The following PTPRS variants were observed in gnomAD, a reference collection of about 807,000 sequenced individuals.
PTPRS encodes receptor-type tyrosine-protein phosphatase S.
A neutral mutation model predicts 215.3 loss-of-function variants in PTPRS; 63 were observed. That is an observed-to-expected ratio of 0.29 (90% CI 0.24 to 0.36). The LOEUF (loss-of-function observed/expected upper bound fraction) is 0.36. Among genes scored for constraint, PTPRS ranks in the 10% least tolerant of loss-of-function variants. The probability of loss-of-function intolerance (pLI) is 1.00; values close to 1 mark genes in which losing one functional copy is unlikely to be tolerated. For missense variants in PTPRS, 2,258 were observed against 2,825.8 expected (o/e 0.80, Z 4.56); for synonymous variants, 1,404 against 1,191.4 (o/e 1.18, Z -3.68).
rs767047494 is a variant in PTPRS, at chr19:5,323,329, G to A, written c.-95+17335C>T. On this transcript the variant is annotated intron_variant, in intron 1 of 37. Coordinates refer to ENST00000262963, the MANE Select transcript of PTPRS (RefSeq NM_002850.4). ...ACCAAGATCACACCACTGCACTCCC[G>A]CCTGGGTGACAGAGTGAAACTCCGT... 1.1e-4 allele frequency among the ~76,000 whole-genome samples: 16 copies of A among 152,152 alleles called. No homozygotes were observed. In the South Asian group the frequency reaches 2.1e-3, roughly 20 times the overall value.
Position 5,257,272 on chromosome 19 carries a change from GC to G in PTPRS, c.706+744del, listed in dbSNP as rs1443129910. On this transcript the variant is annotated intron_variant, in intron 8 of 37. Coordinates refer to ENST00000262963, the MANE Select transcript of PTPRS (RefSeq NM_002850.4). This position sits in a 1 kb window ranked among gnomAD's most constrained non-coding sequence, Gnocchi z 4.4. ...GGGAGCGGGGAGGTGCTGGGGCGAG[GC>G]CCCCACGCTGCTGGGCATGACTGAG... 2.6e-5 allele frequency among the ~76,000 whole-genome samples: 4 copies of G among 151,172 alleles called. No homozygotes were observed. The highest frequency in any genetic ancestry group is 4.4e-5 in the Non-Finnish European group (3 of 67,726).
chr19:5,226,716 TC>T (rs571263004), intron 16 of PTPRS, among the ~76,000 whole-genome samples: 10 of 151,700 alleles, frequency 6.6e-5, no homozygotes, highest in Non-Finnish European at 1.3e-4. Flanking sequence ...GGCACTGTAC[TC>T]CAGCCTGGGT....
chr19:5,295,303 C>T lies in PTPRS; in HGVS notation c.-94-9069G>A, dbSNP rs929022495. ...GCTCTGGGCTGCCCAGGACTCGGGA[C>T]GGCAGACAAGGGCTTGCCAGCCGCT... On this transcript the variant is annotated intron_variant, in intron 1 of 37. Coordinates refer to ENST00000262963, the MANE Select transcript of PTPRS (RefSeq NM_002850.4). This position sits in a 1 kb window ranked among gnomAD's most constrained non-coding sequence, Gnocchi z 4.6. Among the ~76,000 whole-genome samples the T allele has an allele frequency of 8.5e-5, 13 of 152,206 alleles. No individual in the cohort carries two copies. The highest frequency in any genetic ancestry group is 3.9e-4 in the Admixed American group (6 of 15,284).
At chr19:5,323,097 C>A (rs966585115) in intron 1 of PTPRS, among the ~76,000 whole-genome samples, 3 of 152,078 alleles carry the variant, frequency 2.0e-5, no homozygotes, top group African/African-American at 7.2e-5. Context: ...TGGCTCACGC[C>A]TCTAATCCTG....
chr19:5,318,186 T>A (rs1400705072), intron 1 of PTPRS, among the ~76,000 whole-genome samples: 55 of 134,366 alleles, frequency 4.1e-4, no homozygotes, highest in African/African-American at 1.0e-3. Context: ...AAAAAAAAAA[T>A]GAAAATTAGC....
intron 1 of PTPRS, among the ~76,000 whole-genome samples, chr19:5,289,461 C>T (rs1053156056): frequency 6.6e-6 from 1 of 152,180 alleles, no homozygotes; most frequent in African/African-American, 2.4e-5. Context: ...AGTCAGGGCT[C>T]GTCCTTCCTC....
At chr19:5,271,448 A>G (rs888062269) in intron 4 of PTPRS, among the ~76,000 whole-genome samples, 8 of 139,718 alleles carry the variant, frequency 5.7e-5, no homozygotes, top group African/African-American at 2.7e-5. Flanking sequence ...CCCAGACTGG[A>G]GTGCGATGGC....
intron 14 of PTPRS, among the ~76,000 whole-genome samples, chr19:5,230,814 G>C (rs778398655): frequency 6.6e-5 from 10 of 152,126 alleles, no homozygotes; most frequent in Non-Finnish European, 1.3e-4. Flanking sequence ...CCATGATCTA[G>C]GCTTCGACCA....
At chr19:5,331,127 T>TA (rs1568622692) in intron 1 of PTPRS, among the ~76,000 whole-genome samples, 16 of 80,700 alleles carry the variant, frequency 2.0e-4, no homozygotes, top group African/African-American at 4.7e-4. Flanking sequence ...GCTTCTTTTT[T>TA]TAAAAAAAAA....
rs902861809 is a variant in PTPRS at position 5,244,611 on chromosome 19, T to C, written c.989-129A>G. The C allele has an allele frequency of 1.4e-6, 1 of 712,206 alleles. No homozygotes were observed. Among genetic ancestry groups the C allele is most frequent in the Non-Finnish European group, 2.3e-6 (1 of 432,504 alleles). The allele number at this position is 712,206 out of a possible 1,614,324, so 44.1% of individuals were successfully genotyped here. A position where few individuals can be genotyped will look rare whatever the true frequency, so the allele number is the denominator to read the frequency against. On this transcript the variant is annotated intron_variant, in intron 10 of 37. Coordinates refer to ENST00000262963, the MANE Select transcript of PTPRS (RefSeq NM_002850.4). The surrounding 1 kb of genome is among the most constrained non-coding windows in gnomAD (Gnocchi z 7.2). ...TGCCCAGCAGTAATCATGGGCCTCA[T>C]GACTCCTGTCATCGTCTACAGCAAG...
intron 1 of PTPRS, among the ~76,000 whole-genome samples, chr19:5,330,618 T>C (rs2050293167): frequency 6.6e-6 from 1 of 152,156 alleles, no homozygotes; most frequent in South Asian, 2.1e-4. Context: ...ACCACTGAAT[T>C]CCCAGTGATG....
At chr19:5,325,277 T>A (rs912780849) in intron 1 of PTPRS, among the ~76,000 whole-genome samples, 1 of 152,244 alleles carries the variant, frequency 6.6e-6, no homozygotes, top group African/African-American at 2.4e-5. Flanking sequence ...TGGGTCAGCA[T>A]TGAATCATAT....
At position 5,206,606 on chromosome 19, in the gene PTPRS, T is replaced by C. The variant is rs888263096; in HGVS notation, c.*168A>G. On this transcript the variant is annotated 3_prime_UTR_variant, in exon 38 of 38. Transcript: ENST00000262963. ...AGGTCGCTGGGGCGGCCGGGGCCGG[T>C]GGGGGGGCTCGAGGGGCTGCGTCGT... is the stretch of plus-strand genomic sequence containing the variant. 47 of 508,134 alleles carry C rather than the reference T, an allele frequency of 9.2e-5. No individual in the cohort carries two copies. The highest frequency in any genetic ancestry group is 1.1e-3 in the Middle Eastern group (2 of 1,810). The allele number at this position is 508,134 out of a possible 1,614,324, so 31.5% of individuals were successfully genotyped here. A position where few individuals can be genotyped will look rare whatever the true frequency, so the allele number is the denominator to read the frequency against.
At chr19:5,222,642 G>GGGGGGGGGGGGGGGGGGGGGGGGC in intron 18 of PTPRS, 47 bp downstream of exon 18, 1 of 1,369,370 alleles carries the variant, frequency 7.3e-7, no homozygotes, top group Non-Finnish European at 9.7e-7. Flanking sequence ...GTGGGGGTGG[G>GGGGGGGGGGGGGGGGGGGGGGGGC]CGCAAGGCCC....
At position 5,237,766 on chromosome 19, in the gene PTPRS, C is replaced by T. The variant is rs571396660; in HGVS notation, c.1849+1153G>A. Among the ~76,000 whole-genome samples the T allele has an allele frequency of 1.3e-5, 2 of 152,152 alleles. No individual in the cohort carries two copies. Among genetic ancestry groups the T allele is most frequent in the African/African-American group, 2.4e-5 (1 of 41,442 alleles). On this transcript the variant is annotated intron_variant, in intron 13 of 37. Coordinates refer to ENST00000262963, the MANE Select transcript of PTPRS (RefSeq NM_002850.4). The surrounding 1 kb of genome is among the most constrained non-coding windows in gnomAD (Gnocchi z 4.2). ...GGCCACCCTCACTGACTCCACCTCA[C>T]ACAGACGCGCCCAGACGCCTTGGAG...
Position 5,240,340 on chromosome 19 carries a change from G to A in PTPRS, c.1571-8C>T. On this transcript the variant is annotated splice_polypyrimidine_tract_variant and splice_region_variant and intron_variant, in intron 11 of 37. Transcript: ENST00000262963. ...TCATGGGCTGGCCCGGCACTGTGGG[G>A]GTGCAGGGAGACAACTAGGAGTCGG... The A allele has an allele frequency of 6.3e-7, 1 of 1,579,390 alleles. No individual in the cohort carries two copies. The highest frequency in any genetic ancestry group is 1.4e-5 in the African/African-American group (1 of 73,484).
intron 31 of PTPRS, 42 bp from the exon 32 acceptor site, chr19:5,212,292 CG>C: frequency 6.2e-7 from 1 of 1,608,602 alleles, no homozygotes; most frequent in Non-Finnish European, 8.5e-7. Context: ...TGCTGGGCTG[CG>C]GGGACCGGGG....
chr19:5,294,891 G>A lies in PTPRS; in HGVS notation c.-94-8657C>T, dbSNP rs896144137. On this transcript the variant is annotated intron_variant, in intron 1 of 37. Transcript: ENST00000262963. The surrounding 1 kb of genome is among the most constrained non-coding windows in gnomAD (Gnocchi z 5.1). ...AACACAGGATGCCGTGACGTCCCCC[G>A]TCCCACGCAGCCCCATCCTCGACGA... 2.0e-5 allele frequency among the ~76,000 whole-genome samples: 3 copies of A among 152,148 alleles called. No homozygotes were observed. The highest frequency in any genetic ancestry group is 4.8e-5 in the African/African-American group (2 of 41,426).
chr19:5,321,109 A>G (rs548665665), intron 1 of PTPRS, among the ~76,000 whole-genome samples: 2 of 144,732 alleles, frequency 1.4e-5, no homozygotes, highest in Admixed American at 1.4e-4. Flanking sequence ...AAAAAATTAA[A>G]CAACAACAAA....
Sources: gnomAD v4.1 joint callset for allele counts (sites outside exome capture counted in the v4.1 genomes callset) on GRCh38, gnomAD v4.1.1 for gene constraint, Gnocchi (gnomAD v3.1) non-coding constraint, MANE v1.5 for transcripts, NCBI Gene and HGNC (gene_info 2026-07-23, HGNC 2026-07-21) for gene names.